Variants in TRPM7 observed in about 807,000 individuals in gnomAD.
The protein encoded by TRPM7 is transient receptor potential cation channel subfamily M member 7, also known as LTRPC ion channel family member 7.
In TRPM7, 134 loss-of-function variants were observed where a neutral mutation model predicts 229.7. That is an observed-to-expected ratio of 0.58 (90% confidence interval 0.51 to 0.67). The LOEUF is 0.67. Ranked by LOEUF, TRPM7 falls within the 30% of genes least tolerant of loss-of-function variation. The probability of loss-of-function intolerance (pLI) is 0.00; values close to 1 mark genes in which losing one functional copy is unlikely to be tolerated. For synonymous variants in TRPM7, 699 were observed against 715.2 expected (o/e 0.98, Z 0.36); for missense variants, 1,901 against 2,210.0 (o/e 0.86, Z 2.80).
intron 17 of TRPM7, among the ~76,000 whole-genome samples, chr15:50,610,185 G>A (rs1441315553): frequency 6.6e-6 from 1 of 151,934 alleles, no homozygotes; most frequent in Non-Finnish European, 1.5e-5. Flanking sequence ...CAAAACATTT[G>A]ATTATTATGA....
intron 5 of TRPM7, among the ~76,000 whole-genome samples, chr15:50,640,143 G>A (rs778099738): frequency 4.0e-5 from 6 of 151,838 alleles, no homozygotes; most frequent in Non-Finnish European, 7.4e-5. Context: ...AAAATTAATC[G>A]GTGGCACAGG....
intron 31 of TRPM7, among the ~76,000 whole-genome samples, chr15:50,577,047 G>A (rs1261288177): frequency 6.6e-6 from 1 of 152,018 alleles, no homozygotes; most frequent in Non-Finnish European, 1.5e-5. Context: ...AGGAGGTTGA[G>A]GCTGCAGTGA....
At chr15:50,606,762 G>A (rs1003045352) in intron 20 of TRPM7, among the ~76,000 whole-genome samples, 24 of 152,158 alleles carry the variant, frequency 1.6e-4, no homozygotes, top group African/African-American at 5.8e-4. Flanking sequence ...GCCTCCTAAG[G>A]TGCTGCCATT....
intron 3 of TRPM7, among the ~76,000 whole-genome samples, chr15:50,654,860 G>T (rs755655975): frequency 6.7e-6 from 1 of 150,036 alleles, no homozygotes; most frequent in Non-Finnish European, 1.5e-5. Flanking sequence ...AACTACCCGG[G>T]TGTGGCAGCA....
intron 26 of TRPM7, 124 bp downstream of exon 26, chr15:50,591,787 T>C (rs1210842119): frequency 2.7e-5 from 20 of 754,484 alleles, no homozygotes; most frequent in Admixed American, 3.7e-5. Flanking sequence ...TGTCTGATTC[T>C]TTTTAAAAAT....
chr15:50,618,687 C>T (rs975672297), intron 13 of TRPM7, among the ~76,000 whole-genome samples: 2 of 151,994 alleles, frequency 1.3e-5, no homozygotes, highest in African/African-American at 2.4e-5. Context: ...TGTTATGTAG[C>T]GGTGAAGACT....
chr15:50,614,607 G>A (rs141778199), intron 13 of TRPM7, among the ~76,000 whole-genome samples: 1 of 148,014 alleles, frequency 6.8e-6, no homozygotes, highest in Non-Finnish European at 1.5e-5. Flanking sequence ...GGAAGTTGCA[G>A]TGAGCCAAGA....
chr15:50,618,885 T>G (rs2060308470), intron 13 of TRPM7, among the ~76,000 whole-genome samples: 1 of 152,206 alleles, frequency 6.6e-6, no homozygotes, highest in South Asian at 2.1e-4. Context: ...TTGACTAAGT[T>G]ATTTCACTTA....
In TRPM7 at chr15:50,631,617, TG is replaced by T. The variant is rs2060735600; in HGVS notation, c.1132-129del. The T allele has an allele frequency of 7.9e-6, 4 of 507,042 alleles. No individual in the cohort carries two copies. The South Asian group carries it at 1.3e-4, about 16-fold the overall frequency. 31.4% of individuals were successfully genotyped at this position (507,042 alleles called of 1,614,324 possible). On this transcript the variant is annotated intron_variant, in intron 9 of 38. Transcript: ENST00000646667. ...TATGTATCTAGGAATCTATGTATTA[TG>T]TATATATAAACATACATACACATAA...
Position 50,609,681 on chromosome 15 carries a change from T to C in TRPM7, c.2480A>G (p.Lys827Arg). The change falls in exon 19 of 39, where the codon AAG becomes AGG. Residue 827 changes from lysine (K) to arginine (R), a missense_variant. Coordinates refer to ENST00000646667, the MANE Select transcript of TRPM7 (RefSeq NM_017672.6). Reference sequence around the variant, plus strand: ...TTTCATTTGTATCTCCATCTCATTCTTTCCTTCATTACTATCCAAAATCCG... The same window carrying C: ...TTTCATTTGTATCTCCATCTCATTCCTTCCTTCATTACTATCCAAAATCCG... ...EVRILDSNEG[K>R]NEMEIQMKSK... 1 of 1,611,044 alleles carries C rather than the reference T, an allele frequency of 6.2e-7. No individual in the cohort carries two copies. The highest frequency in any genetic ancestry group is 2.2e-5 in the East Asian group (1 of 44,766).
rs2053188616 is a variant in TRPM7, at chr15:50,557,877, CA to C, written c.*3800del. On this transcript the variant is annotated 3_prime_UTR_variant, in exon 39 of 39. Coordinates refer to ENST00000646667, the MANE Select transcript of TRPM7 (RefSeq NM_017672.6). ...CAGGCTGGTCTTGAACTCCTGACCT[CA>C]GATGATCCACCCACCTTGGCCTCCC... 1 of 152,172 alleles carries C rather than the reference CA, an allele frequency of 6.6e-6. No individual in the cohort carries two copies. Among genetic ancestry groups the C allele is most frequent in the Admixed American group, 6.5e-5 (1 of 15,278 alleles). 9.4% of individuals were successfully genotyped at this position (152,172 alleles called of 1,614,324 possible).
chr15:50,678,250 AAC>A lies in TRPM7; in HGVS notation c.3+8279_3+8280del, dbSNP rs1190436975. Among the ~76,000 whole-genome samples, 259 of 125,672 alleles carry A rather than the reference AAC, an allele frequency of 2.1e-3. 8 individuals are homozygous for A. Among genetic ancestry groups the A allele is most frequent in the African/African-American group, 7.0e-3 (235 of 33,400 alleles). The allele number at this position is 125,672 out of a possible 152,430, so 82.4% of individuals were successfully genotyped here. ...GTGAGACTCTCTCTCAAAAAAAAAAAACAAAAACAAAAACAAAAACAAAAACA... is the reference window on the plus strand; with the variant it reads ...GTGAGACTCTCTCTCAAAAAAAAAAAAAAAACAAAAACAAAAACAAAAACA... On this transcript the variant is annotated intron_variant, in intron 1 of 38. Transcript: ENST00000646667.
At chr15:50,674,161 G>C (rs1398604100) in intron 1 of TRPM7, among the ~76,000 whole-genome samples, 43 of 152,096 alleles carry the variant, frequency 2.8e-4, no homozygotes, top group Non-Finnish European at 8.8e-5. Flanking sequence ...GCTAATTTTT[G>C]TATTTTTAGT....
At position 50,557,921 on chromosome 15, in the gene TRPM7, G is replaced by A. The variant is rs952626242; in HGVS notation, c.*3757C>T. The A allele has an allele frequency of 3.9e-5, 6 of 152,238 alleles. No homozygotes were observed. The highest frequency in any genetic ancestry group is 1.4e-4 in the African/African-American group (6 of 41,456). 9.4% of individuals were successfully genotyped at this position (152,238 alleles called of 1,614,324 possible). On this transcript the variant is annotated 3_prime_UTR_variant, in exon 39 of 39. Coordinates refer to ENST00000646667, the MANE Select transcript of TRPM7 (RefSeq NM_017672.6). ...GGCCTCCCAAAGTGATGGAATTACA[G>A]GCGTGAGCCACTGCACCTGGCCGAG...
intron 1 of TRPM7, among the ~76,000 whole-genome samples, chr15:50,674,167 T>C (rs1025998791): frequency 7.9e-5 from 12 of 152,140 alleles, no homozygotes; most frequent in African/African-American, 2.9e-4. Context: ...TTTTGTATTT[T>C]TAGTAGAGAT....
chr15:50,682,015 T>C (rs2062249191), intron 1 of TRPM7, among the ~76,000 whole-genome samples: 1 of 151,508 alleles, frequency 6.6e-6, no homozygotes, highest in Non-Finnish European at 1.5e-5. Flanking sequence ...CTGTCTCTAC[T>C]AAAAGTACAA....
At chr15:50,597,014 C>A (rs2059650963) in intron 22 of TRPM7, among the ~76,000 whole-genome samples, 1 of 152,196 alleles carries the variant, frequency 6.6e-6, no homozygotes, top group South Asian at 2.1e-4. Context: ...TCCCAAAGTG[C>A]TGGGATTATA....
chr15:50,591,245 T>C (rs2059484526), intron 26 of TRPM7, among the ~76,000 whole-genome samples: 2 of 152,302 alleles, frequency 1.3e-5, no homozygotes, highest in African/African-American at 4.8e-5. Flanking sequence ...TTAAAGTGTC[T>C]TGGTTTGGGT....
intron 1 of TRPM7, among the ~76,000 whole-genome samples, chr15:50,669,750 T>C (rs573322125): frequency 6.6e-6 from 1 of 152,094 alleles, no homozygotes; most frequent in African/African-American, 2.4e-5. Flanking sequence ...CTTTCTCCTG[T>C]GAACCAATCA....
Sources: allele counts gnomAD v4.1 joint callset (sites outside exome capture counted in the v4.1 genomes callset), GRCh38; gene constraint gnomAD v4.1.1; transcripts MANE v1.5; gene names NCBI Gene and HGNC (gene_info 2026-07-23, HGNC 2026-07-21).